MYRIP: variants seen among roughly 807,000 people sequenced by gnomAD.
The protein encoded by MYRIP is myosin VIIA and Rab interacting protein, also known as rab effector MyRIP.
A neutral mutation model predicts 98.0 loss-of-function variants in MYRIP; 49 were observed. That is an observed-to-expected ratio of 0.50 (90% CI 0.40 to 0.63). The LOEUF is 0.63. Among genes scored for constraint, MYRIP ranks in the 30% least tolerant of loss-of-function variants. The pLI is 0.00. For missense variants in MYRIP, 1,004 were observed against 1,058.2 expected, an observed-to-expected ratio of 0.95 and a Z score of 0.71; for synonymous variants, 404 against 409.5, an observed-to-expected ratio of 0.99 and a Z score of 0.16.
chr3:39,902,482 C>A (rs1387749768), intron 2 of MYRIP, among the ~76,000 whole-genome samples: 1 of 152,204 alleles, frequency 6.6e-6, no homozygotes, highest in Non-Finnish European at 1.5e-5. Flanking sequence ...TTGGAAAGAA[C>A]CATGTCTTGA....
intron 16 of MYRIP, among the ~76,000 whole-genome samples, chr3:40,253,221 G>C (rs570111323): frequency 6.6e-6 from 1 of 152,086 alleles, no homozygotes; most frequent in Non-Finnish European, 1.5e-5. Flanking sequence ...ATCTTACCCC[G>C]CTTGTTTACC....
At chr3:39,872,112 T>C (rs1942810554) in intron 1 of MYRIP, among the ~76,000 whole-genome samples, 1 of 152,070 alleles carries the variant, frequency 6.6e-6, no homozygotes, top group Non-Finnish European at 1.5e-5. Flanking sequence ...TTAGAAATCA[T>C]ATTATTTTTC....
At chr3:39,969,429 G>T (rs191938575) in intron 2 of MYRIP, among the ~76,000 whole-genome samples, 2 of 151,536 alleles carry the variant, frequency 1.3e-5, no homozygotes, top group African/African-American at 4.8e-5. Context: ...TCCAGCTTTT[G>T]CCCATTCAGT....
chr3:40,230,806 G>A (rs1205102249), intron 11 of MYRIP, among the ~76,000 whole-genome samples: 2 of 150,940 alleles, frequency 1.3e-5, no homozygotes, highest in Non-Finnish European at 3.0e-5. Context: ...TATAATTTTT[G>A]TTCAGTCACT....
chr3:40,207,040 C>T (rs1951807857), intron 10 of MYRIP, among the ~76,000 whole-genome samples: 1 of 152,146 alleles, frequency 6.6e-6, no homozygotes. Flanking sequence ...GAGTTTGTAA[C>T]TAGTTGCTGA....
At chr3:40,216,430 G>T (rs1038648595) in intron 11 of MYRIP, among the ~76,000 whole-genome samples, 1 of 152,040 alleles carries the variant, frequency 6.6e-6, no homozygotes, top group Non-Finnish European at 1.5e-5. Context: ...AAACATCTCT[G>T]GGTAGAAAAT....
intron 11 of MYRIP, among the ~76,000 whole-genome samples, chr3:40,212,818 C>T (rs1282257543): frequency 1.3e-5 from 2 of 151,770 alleles, no homozygotes; most frequent in South Asian, 2.1e-4. Context: ...CCCAGTTACT[C>T]GAGAGGCTGA....
intron 1 of MYRIP, among the ~76,000 whole-genome samples, chr3:39,838,700 G>A (rs1001028281): frequency 2.6e-5 from 4 of 152,064 alleles, no homozygotes; most frequent in South Asian, 2.1e-4. Flanking sequence ...CCAGGTTTTC[G>A]TATCAGGATG....
chr3:40,003,307 A>T (rs1218212704), intron 2 of MYRIP, among the ~76,000 whole-genome samples: 2 of 152,174 alleles, frequency 1.3e-5, no homozygotes, highest in Non-Finnish European at 2.9e-5. Flanking sequence ...AGGGATTTTT[A>T]GGGAGTGGAC....
At chr3:40,225,154 G>A (rs1233649228) in intron 11 of MYRIP, among the ~76,000 whole-genome samples, 8 of 152,216 alleles carry the variant, frequency 5.3e-5, no homozygotes, top group African/African-American at 1.7e-4. Flanking sequence ...GACAGCATCT[G>A]TAATACGACA....
At chr3:40,100,933 A>T (rs1413996938) in intron 3 of MYRIP, among the ~76,000 whole-genome samples, 1 of 152,180 alleles carries the variant, frequency 6.6e-6, no homozygotes, top group African/African-American at 2.4e-5. Context: ...TTTTAATCCA[A>T]GTCATGAATG....
At chr3:39,969,130 T>A (rs1945512962) in intron 2 of MYRIP, among the ~76,000 whole-genome samples, 1 of 152,188 alleles carries the variant, frequency 6.6e-6, no homozygotes, top group Non-Finnish European at 1.5e-5. Flanking sequence ...TCAGTTTGGC[T>A]ATTGTTGGTG....
At chr3:40,036,610 A>T (rs907041464) in intron 2 of MYRIP, among the ~76,000 whole-genome samples, 3 of 152,102 alleles carry the variant, frequency 2.0e-5, no homozygotes, top group Non-Finnish European at 4.4e-5. Context: ...ACTCCTGCAA[A>T]TAAAAAATAC....
At chr3:39,917,555 T>C (rs1944193029) in intron 2 of MYRIP, among the ~76,000 whole-genome samples, 1 of 151,864 alleles carries the variant, frequency 6.6e-6, no homozygotes, top group Non-Finnish European at 1.5e-5. Flanking sequence ...ACATAACATG[T>C]AGTTGCAACT....
At chr3:39,866,417 T>C (rs1942626496) in intron 1 of MYRIP, among the ~76,000 whole-genome samples, 1 of 152,102 alleles carries the variant, frequency 6.6e-6, no homozygotes, top group Non-Finnish European at 1.5e-5. Context: ...TTCTATATCA[T>C]AACAAAACTA....
intron 1 of MYRIP, among the ~76,000 whole-genome samples, chr3:39,837,672 T>A (rs534283696): frequency 6.6e-6 from 1 of 152,354 alleles, no homozygotes; most frequent in East Asian, 1.9e-4. Flanking sequence ...TGTGTTCTTT[T>A]TGCTTAGGAT....
intron 3 of MYRIP, among the ~76,000 whole-genome samples, chr3:40,145,183 C>T (rs971811401): frequency 3.3e-5 from 5 of 152,100 alleles, no homozygotes; most frequent in African/African-American, 1.2e-4. Context: ...GGGTCTGGGC[C>T]ACTTCCACCA....
chr3:39,951,780 AC>A (rs1177117406), intron 2 of MYRIP, among the ~76,000 whole-genome samples: 4 of 152,168 alleles, frequency 2.6e-5, no homozygotes, highest in Non-Finnish European at 5.9e-5. Context: ...GAGGACTCTG[AC>A]AAAAGTTCTC....
At chr3:40,089,687 A>G (rs561011223) in intron 3 of MYRIP, among the ~76,000 whole-genome samples, 2 of 152,374 alleles carry the variant, frequency 1.3e-5, no homozygotes, top group South Asian at 4.1e-4. Context: ...CAGAAATATT[A>G]TCATAAAGCT....
Sources: gnomAD v4.1 joint callset for allele counts (sites outside exome capture counted in the v4.1 genomes callset) on GRCh38, gnomAD v4.1.1 for gene constraint, MANE v1.5 for transcripts, NCBI Gene and HGNC (gene_info 2026-07-23, HGNC 2026-07-21) for gene names.